The following ABCA5 variants were observed in gnomAD, a reference collection of about 807,000 sequenced individuals.
The protein encoded by ABCA5 is cholesterol transporter ABCA5.
In ABCA5, 163 loss-of-function variants were observed where a neutral mutation model predicts 206.0. The ratio of observed to expected loss-of-function variants is 0.79; its 90% CI spans 0.70 to 0.90. The LOEUF (loss-of-function observed/expected upper bound fraction) is 0.90. Ranked by LOEUF, ABCA5 falls within the 40% of genes least tolerant of loss-of-function variation. The probability of loss-of-function intolerance (pLI) is 0.00; values close to 1 mark genes in which losing one functional copy is unlikely to be tolerated. For missense variants in ABCA5, 1,859 were observed against 1,912.9 expected (o/e 0.97, Z 0.53); for synonymous variants, 609 against 613.8 (o/e 0.99, Z 0.11).
intron 18 of ABCA5, among the ~76,000 whole-genome samples, chr17:69,282,706 A>G (rs2075408200): frequency 6.9e-6 from 1 of 144,374 alleles, no homozygotes; most frequent in Admixed American, 7.2e-5. Flanking sequence ...TGGGAGGCGG[A>G]GGTTGCAGTG....
chr17:69,295,460 G>T (rs2075575204), intron 10 of ABCA5, among the ~76,000 whole-genome samples: 1 of 152,130 alleles, frequency 6.6e-6, no homozygotes, highest in Non-Finnish European at 1.5e-5. Flanking sequence ...AGCTCACAAG[G>T]AGATAATTGA....
chr17:69,298,316 G>GGAAGGAAGGAAGGAGGGA (rs1368530754), intron 9 of ABCA5, among the ~76,000 whole-genome samples: 1 of 42,058 alleles, frequency 2.4e-5, no homozygotes, highest in Non-Finnish European at 6.3e-5. Flanking sequence ...AAGAGAGAGA[G>GGAAGGAAGGAAGGAGGGA]AGGAAGGAAG....
intron 5 of ABCA5, among the ~76,000 whole-genome samples, 172 bp from the exon 6 acceptor site, chr17:69,307,126 G>C (rs890503792): frequency 6.6e-6 from 1 of 151,902 alleles, no homozygotes; most frequent in Non-Finnish European, 1.5e-5. Flanking sequence ...ATTCTGAGTA[G>C]AATATTGCAT....
intron 18 of ABCA5, among the ~76,000 whole-genome samples, chr17:69,278,597 T>G (rs972548190): frequency 8.0e-5 from 12 of 149,138 alleles, no homozygotes; most frequent in Non-Finnish European, 1.8e-4. Context: ...TCATACAGAT[T>G]ATTAGCACAA....
intron 28 of ABCA5, among the ~76,000 whole-genome samples, chr17:69,257,080 T>C (rs895347434): frequency 4.6e-5 from 7 of 151,892 alleles, no homozygotes; most frequent in African/African-American, 1.7e-4. Context: ...ACAAGAAAAA[T>C]GTGGCCAGGC....
intron 28 of ABCA5, among the ~76,000 whole-genome samples, chr17:69,259,116 C>T (rs565549214): frequency 6.6e-6 from 1 of 152,038 alleles, no homozygotes; most frequent in African/African-American, 2.4e-5. Flanking sequence ...TATGTCCATA[C>T]AAACAGTTGT....
chr17:69,263,016 T>C (rs1252201331), intron 24 of ABCA5, among the ~76,000 whole-genome samples: 1 of 152,238 alleles, frequency 6.6e-6, no homozygotes, highest in East Asian at 1.9e-4. Context: ...CATACATTTG[T>C]TGTCCATTTG....
At chr17:69,273,613 G>A (rs1011679092) in intron 20 of ABCA5, among the ~76,000 whole-genome samples, 8 of 151,768 alleles carry the variant, frequency 5.3e-5, no homozygotes, top group Non-Finnish European at 8.8e-5. Flanking sequence ...GTGCCACCAT[G>A]CCTGGCTAAT....
chr17:69,292,945 T>C (rs1173935133), intron 11 of ABCA5, among the ~76,000 whole-genome samples: 1 of 152,156 alleles, frequency 6.6e-6, no homozygotes, highest in Non-Finnish European at 1.5e-5. Flanking sequence ...AATAATCATA[T>C]AAAAAGGTGA....
chr17:69,314,534 G>A lies in ABCA5; in HGVS notation c.-15-104C>T, dbSNP rs7225907. 3 of 660,208 alleles carry A rather than the reference G, an allele frequency of 4.5e-6. No individual in the cohort carries two copies. In the African/African-American group the frequency reaches 5.5e-5, roughly 12 times the overall value. 40.9% of individuals were successfully genotyped at this position (660,208 alleles called of 1,614,324 possible). On this transcript the variant is annotated intron_variant, in intron 1 of 38. Transcript: ENST00000392676. ...AGCTGTTTCAGTCCCAGGTAAGATG[G>A]ATTAAGCATACTCCAAGCTGTCTCT...
intron 20 of ABCA5, among the ~76,000 whole-genome samples, chr17:69,272,311 T>C (rs570236164): frequency 6.6e-6 from 1 of 152,032 alleles, no homozygotes; most frequent in African/African-American, 2.4e-5. Flanking sequence ...ACCCAATATA[T>C]ATACACACAG....
intron 8 of ABCA5, among the ~76,000 whole-genome samples, chr17:69,302,394 T>C (rs2145012356): frequency 6.6e-6 from 1 of 152,214 alleles, no homozygotes; most frequent in East Asian, 1.9e-4. Context: ...ATGATAGCAA[T>C]ATAACCAGGC....
intron 19 of ABCA5, among the ~76,000 whole-genome samples, chr17:69,274,839 C>CTTTTTTTTTTTTTTTTTTTTTTTTTT (rs3052556): frequency 1.3e-4 from 11 of 85,752 alleles, no homozygotes; most frequent in African/African-American, 4.8e-4. Context: ...TAACCATTTA[C>CTTTTTTTTTTTTTTTTTTTTTTTTTT]TTTTTTTTTT....
chr17:69,253,084 C>A (rs1330089392), intron 34 of ABCA5, among the ~76,000 whole-genome samples: 1 of 151,852 alleles, frequency 6.6e-6, no homozygotes, highest in Non-Finnish European at 1.5e-5. Flanking sequence ...TAGGCTATAC[C>A]ATATAGTCTA....
chr17:69,277,822 G>A lies in ABCA5; in HGVS notation c.2413C>T (p.Gln805Ter). The A allele has an allele frequency of 1.3e-6, 2 of 1,571,162 alleles. No homozygotes were observed. The highest frequency in any genetic ancestry group is 1.2e-5 in the South Asian group (1 of 82,748). Residue 805 changes from glutamine to a stop codon, truncating the protein, a stop_gained, in exon 19 of 39, where the codon CAG becomes TAG. Coordinates refer to ENST00000392676, the MANE Select transcript of ABCA5 (RefSeq NM_172232.4). LOFTEE classifies it high-confidence loss of function. The part of the protein sequence containing the change: ...DQADYSVFTQ[Q>*]PLEEEMDSKS... ...GAATCCATTTCTTCCTCCAGTGGCT[G>A]CTGAGTAAATACACTATAATCTATT...
intron 36 of ABCA5, among the ~76,000 whole-genome samples, chr17:69,250,270 C>G (rs1214552159): frequency 2.0e-5 from 3 of 151,364 alleles, no homozygotes; most frequent in East Asian, 1.9e-4. Flanking sequence ...GGTGATAATA[C>G]AGAGAGAGAT....
chr17:69,323,666 G>T (rs1339879983), intron 1 of ABCA5, among the ~76,000 whole-genome samples: 1 of 151,898 alleles, frequency 6.6e-6, no homozygotes, highest in Non-Finnish European at 1.5e-5. Flanking sequence ...GATCCTTGAT[G>T]AAAAAAACAA....
intron 31 of ABCA5, 48 bp from the exon 32 acceptor site, chr17:69,254,538 T>C: frequency 6.6e-7 from 1 of 1,510,634 alleles, no homozygotes; most frequent in Non-Finnish European, 9.1e-7. Context: ...ATTTACACTG[T>C]GAAGGAAGTG....
chr17:69,308,501 A>G, intron 4 of ABCA5, 133 bp from the exon 5 acceptor site: 2 of 493,138 alleles, frequency 4.1e-6, no homozygotes, highest in Non-Finnish European at 7.2e-6. Flanking sequence ...GAAATAAGCT[A>G]CTGACTTTCA....
Sources: gnomAD v4.1 joint callset for allele counts (sites outside exome capture counted in the v4.1 genomes callset) on GRCh38, gnomAD v4.1.1 for gene constraint, MANE v1.5 for transcripts, NCBI Gene and HGNC (gene_info 2026-07-23, HGNC 2026-07-21) for gene names.